The following NEK7 variants were observed in gnomAD, a reference collection of about 807,000 sequenced individuals.
The protein encoded by NEK7 is NIMA related kinase 7.
In NEK7, 18 loss-of-function variants were observed where a neutral mutation model predicts 44.6. The observed-to-expected ratio is 0.40, with a 90% CI of 0.28 to 0.60. NEK7 has a LOEUF of 0.60. NEK7 is among the 20% of genes least tolerant of loss of function. NEK7 has a pLI of 0.38. For synonymous variants in NEK7, 130 were observed against 121.1 expected, an observed-to-expected ratio of 1.07 and a Z score of -0.48; for missense variants, 256 against 366.5, an observed-to-expected ratio of 0.70 and a Z score of 2.46.
rs1655348637 is a variant in NEK7 at position 198,315,692 on chromosome 1, G to A, written c.799-3720G>A. Among the ~76,000 whole-genome samples the A allele has an allele frequency of 2.0e-5, 3 of 152,212 alleles. No individual in the cohort carries two copies. In the South Asian group the frequency reaches 6.2e-4, roughly 32 times the overall value. On this transcript the variant is annotated intron_variant, in intron 9 of 9. Coordinates refer to ENST00000367385, the MANE Select transcript of NEK7 (RefSeq NM_133494.3). ...CAATAGGACTGGTTGCTGACGGTTAGGCAGGTGGGAAGGAAGTATGATGAG... is the reference window on the plus strand; with the variant it reads ...CAATAGGACTGGTTGCTGACGGTTAAGCAGGTGGGAAGGAAGTATGATGAG...
At chr1:198,251,045 G>A (rs1218860681) in intron 2 of NEK7, among the ~76,000 whole-genome samples, 1 of 151,842 alleles carries the variant, frequency 6.6e-6, no homozygotes, top group Non-Finnish European at 1.5e-5. Flanking sequence ...ATTATTTTGA[G>A]ATATGTCCCA....
At chr1:198,255,210 T>A (rs951477462) in intron 3 of NEK7, among the ~76,000 whole-genome samples, 3 of 152,142 alleles carry the variant, frequency 2.0e-5, no homozygotes, top group Non-Finnish European at 4.4e-5. Context: ...CGTAGGCAAT[T>A]GAGGATGCAT....
chr1:198,219,197 G>GGT lies in NEK7; in HGVS notation c.-28-13345_-28-13344dup, dbSNP rs200974813. 5.1e-3 allele frequency among the ~76,000 whole-genome samples: 767 copies of GGT among 150,336 alleles called. 1 individual carries two copies. Among genetic ancestry groups the GGT allele is most frequent in the Non-Finnish European group, 8.4e-3 (568 of 67,284 alleles). The stretch of plus-strand genomic sequence containing the variant: ...CTGATGAATGGATAAAGAAAATATT[G>GGT]GTGTGTGTGTGTATATATGTTTTAT... On this transcript the variant is annotated intron_variant, in intron 1 of 9. Coordinates refer to ENST00000367385, the MANE Select transcript of NEK7 (RefSeq NM_133494.3).
chr1:198,228,026 A>G (rs940834692), intron 1 of NEK7, among the ~76,000 whole-genome samples: 5 of 152,156 alleles, frequency 3.3e-5, no homozygotes, highest in African/African-American at 1.2e-4. Context: ...TCTTTAATCC[A>G]TCTTGAATTA....
At chr1:198,208,497 C>A (rs1311289446) in intron 1 of NEK7, 1 of 152,174 alleles carries the variant, frequency 6.6e-6, no homozygotes, top group Non-Finnish European at 1.5e-5. Flanking sequence ...CCACCTCAGC[C>A]TCCTGAGGAG....
At chr1:198,298,890 C>CTAG (rs1225164388) in intron 9 of NEK7, among the ~76,000 whole-genome samples, 1 of 152,198 alleles carries the variant, frequency 6.6e-6, no homozygotes, top group Non-Finnish European at 1.5e-5. Context: ...GATGATACCA[C>CTAG]TAGTGGTTCG....
chr1:198,317,102 AGATT>A (rs1472524611), intron 9 of NEK7, among the ~76,000 whole-genome samples: 3 of 152,238 alleles, frequency 2.0e-5, no homozygotes, highest in African/African-American at 7.2e-5. Context: ...AGTTATCAAC[AGATT>A]GATTCATAAA....
At chr1:198,237,326 C>T (rs1666566226) in intron 2 of NEK7, among the ~76,000 whole-genome samples, 1 of 152,118 alleles carries the variant, frequency 6.6e-6, no homozygotes, top group Non-Finnish European at 1.5e-5. Flanking sequence ...GGACCTCTGC[C>T]CCGAATTCCA....
At chr1:198,280,231 A>T (rs1654153655) in intron 7 of NEK7, among the ~76,000 whole-genome samples, 1 of 152,064 alleles carries the variant, frequency 6.6e-6, no homozygotes, top group South Asian at 2.1e-4. Context: ...AGAGTGGAGG[A>T]GTTCTATAGA....
chr1:198,208,566 C>G (rs1026147633), intron 1 of NEK7: 1 of 152,086 alleles, frequency 6.6e-6, no homozygotes, highest in Non-Finnish European at 1.5e-5. Context: ...TTTGTAGAGA[C>G]CGTGTCTCCC....
At position 198,172,081 on chromosome 1, in the gene NEK7, C is replaced by T. The variant is rs543605367; in HGVS notation, c.-29+14805C>T. Among the ~76,000 whole-genome samples, 7 of 152,260 alleles carry T rather than the reference C, an allele frequency of 4.6e-5. No homozygotes were observed. In the South Asian group the frequency reaches 1.4e-3, roughly 32 times the overall value. On this transcript the variant is annotated intron_variant, in intron 1 of 9. Transcript: ENST00000367385. ...GTATTCCCAGCAGCTCTGTGGTAGACATATCAGTAATGCTGAAAAACAAAA... is the reference window on the plus strand; with the variant it reads ...GTATTCCCAGCAGCTCTGTGGTAGATATATCAGTAATGCTGAAAAACAAAA...
intron 1 of NEK7, among the ~76,000 whole-genome samples, chr1:198,221,857 G>A (rs1041886102): frequency 6.6e-6 from 1 of 150,610 alleles, no homozygotes; most frequent in Non-Finnish European, 1.5e-5. Flanking sequence ...ATGGGAACTA[G>A]GAAAGGCATT....
chr1:198,185,385 C>T (rs759202020), intron 1 of NEK7, among the ~76,000 whole-genome samples: 29 of 151,660 alleles, frequency 1.9e-4, no homozygotes, highest in Non-Finnish European at 2.4e-4. Context: ...TGTGAAATTG[C>T]GTAAGAAATA....
intron 2 of NEK7, among the ~76,000 whole-genome samples, chr1:198,243,039 T>C (rs920411117): frequency 6.6e-6 from 1 of 152,136 alleles, no homozygotes; most frequent in African/African-American, 2.4e-5. Flanking sequence ...CCAGCCACAG[T>C]GTCCTTTCCG....
chr1:198,221,505 T>C (rs1018259573), intron 1 of NEK7, among the ~76,000 whole-genome samples: 3 of 151,716 alleles, frequency 2.0e-5, no homozygotes, highest in Admixed American at 2.0e-4. Context: ...GCACCAATGA[T>C]TTTTCTTAAA....
rs1262145055 is a variant in NEK7, at chr1:198,312,534, G to A, written c.799-6878G>A. On this transcript the variant is annotated intron_variant, in intron 9 of 9. Transcript: ENST00000367385. ...TAGTTCTTTTAATTGTGATGTTAGG[G>A]TGTCAGTTTTGGATCTTTCCTGGTT... Among the ~76,000 whole-genome samples, 15 of 150,772 alleles carry A rather than the reference G, an allele frequency of 9.9e-5. No homozygotes were observed. The East Asian group carries it at 2.5e-3, about 25-fold the overall frequency.
chr1:198,264,320 T>C, intron 5 of NEK7, 85 bp downstream of exon 5: 1 of 927,938 alleles, frequency 1.1e-6, no homozygotes, highest in Non-Finnish European at 1.7e-6. Context: ...GGATATTAGA[T>C]ATTTTAAACT....
At chr1:198,184,378 C>T (rs1487078033) in intron 1 of NEK7, among the ~76,000 whole-genome samples, 1 of 152,138 alleles carries the variant, frequency 6.6e-6, no homozygotes, top group East Asian at 1.9e-4. Flanking sequence ...ATTAGCTTAA[C>T]TTCCTGTCGA....
intron 5 of NEK7, among the ~76,000 whole-genome samples, chr1:198,271,924 T>TACACAC (rs59463396): frequency 2.2e-5 from 3 of 134,562 alleles, no homozygotes; most frequent in African/African-American, 2.8e-5. Flanking sequence ...TATATATATA[T>TACACAC]ACACACACAC....
Sources: gnomAD v4.1 joint callset for allele counts (sites outside exome capture counted in the v4.1 genomes callset) on GRCh38, gnomAD v4.1.1 for gene constraint, MANE v1.5 for transcripts, NCBI Gene and HGNC (gene_info 2026-07-23, HGNC 2026-07-21) for gene names.